The following SLCO3A1 variants were observed in gnomAD, a reference collection of about 807,000 sequenced individuals.
The protein encoded by SLCO3A1 is solute carrier organic anion transporter family member 3A1, also known as PGE1 transporter.
A neutral mutation model predicts 63.1 loss-of-function variants in SLCO3A1; 27 were observed. That is an observed-to-expected ratio of 0.43 (90% CI 0.32 to 0.59). The LOEUF (loss-of-function observed/expected upper bound fraction) is 0.59, where lower values mean the gene tolerates loss of function less well. Among genes scored for constraint, SLCO3A1 ranks in the 20% least tolerant of loss-of-function variants. SLCO3A1 has a pLI of 0.09. For missense variants in SLCO3A1, 773 were observed against 945.8 expected, an observed-to-expected ratio of 0.82 and a Z score of 2.40; for synonymous variants, 473 against 409.9, an observed-to-expected ratio of 1.15 and a Z score of -1.86.
intron 7 of SLCO3A1, among the ~76,000 whole-genome samples, chr15:92,142,678 C>G (rs1399422752): frequency 1.3e-5 from 2 of 152,182 alleles, no homozygotes; most frequent in Non-Finnish European, 2.9e-5. Flanking sequence ...GTCTGCTCGC[C>G]TCATTAACAT....
intron 1 of SLCO3A1, among the ~76,000 whole-genome samples, chr15:91,914,835 G>A (rs898554775): frequency 6.6e-6 from 1 of 152,132 alleles, no homozygotes; most frequent in Non-Finnish European, 1.5e-5. Context: ...GCCTCCCAAA[G>A]TGTTGGGATT....
rs2151545794 is a variant in SLCO3A1, at chr15:92,104,402, C to G, written c.869C>G (p.Pro290Arg). 1 of 1,614,170 alleles carries G rather than the reference C, an allele frequency of 6.2e-7. No homozygotes were observed. The highest frequency in any genetic ancestry group is 1.7e-5 in the Admixed American group (1 of 60,026). Residue 290 changes from proline (P) to arginine (R), a missense_variant, in exon 4 of 10, where the codon CCC becomes CGC. Pro to Arg is a moderately radical substitution (Grantham distance 103, BLOSUM62 -2). This residue lies in a region of SLCO3A1 where 565 missense variants were observed against 749.8 expected (regional missense o/e 0.75). Coordinates refer to ENST00000318445, the MANE Select transcript of SLCO3A1 (RefSeq NM_013272.4). The stretch of plus-strand genomic sequence containing the variant: ...ATGTTTGGGTTTCCACAGTCCCTGC[C>G]CCCGCACTCAGAGCCCGCCATGGAA... ...LLMFGFPQSL[P>R]PHSEPAMESE...
chr15:91,999,927 G>C (rs1244145153), intron 2 of SLCO3A1, among the ~76,000 whole-genome samples: 1 of 152,202 alleles, frequency 6.6e-6, no homozygotes, highest in Admixed American at 6.5e-5. Flanking sequence ...CTGGGGCATT[G>C]TTTGTCAGAG....
intron 2 of SLCO3A1, among the ~76,000 whole-genome samples, chr15:91,989,152 A>G (rs868602735): frequency 9.9e-5 from 15 of 152,178 alleles, no homozygotes; most frequent in African/African-American, 1.9e-4. Context: ...GTGCCTTCGC[A>G]TAAGTGTCCT....
chr15:91,986,198 G>T (rs545588625), intron 2 of SLCO3A1, among the ~76,000 whole-genome samples: 2 of 152,154 alleles, frequency 1.3e-5, no homozygotes, highest in African/African-American at 4.8e-5. Context: ...CCCTTTCCTC[G>T]GCTACTGTCC....
intron 2 of SLCO3A1, among the ~76,000 whole-genome samples, chr15:92,003,382 C>A (rs2046277887): frequency 6.6e-6 from 1 of 152,200 alleles, no homozygotes; most frequent in Non-Finnish European, 1.5e-5. Flanking sequence ...AGAGAAGATA[C>A]ACTATGGAGT....
At position 91,987,322 on chromosome 15, in the gene SLCO3A1, G is replaced by A. The variant is rs555453830; in HGVS notation, c.646+70864G>A. Among the ~76,000 whole-genome samples, 9 of 152,184 alleles carry A rather than the reference G, an allele frequency of 5.9e-5. No individual in the cohort carries two copies. In the South Asian group the frequency reaches 1.2e-3, roughly 21 times the overall value. On this transcript the variant is annotated intron_variant, in intron 2 of 9. Transcript: ENST00000318445. ...ATGAATTAACTTGTTTATTCAACACGTATTTACTGAACACCTATCATGTGT... is the reference window on the plus strand; with the variant it reads ...ATGAATTAACTTGTTTATTCAACACATATTTACTGAACACCTATCATGTGT...
intron 4 of SLCO3A1, among the ~76,000 whole-genome samples, chr15:92,112,406 GC>G (rs1371015662): frequency 1.3e-5 from 2 of 152,240 alleles, no homozygotes; most frequent in Non-Finnish European, 2.9e-5. Context: ...TATCTGAGGA[GC>G]CCTTGTTTCC....
At chr15:91,902,469 A>G (rs1597104538) in intron 1 of SLCO3A1, among the ~76,000 whole-genome samples, 1 of 151,420 alleles carries the variant, frequency 6.6e-6, no homozygotes, top group Non-Finnish European at 1.5e-5. Context: ...CCCAACCAGC[A>G]CTACTGGTTG....
intron 2 of SLCO3A1, among the ~76,000 whole-genome samples, chr15:92,025,527 G>C (rs903988721): frequency 6.6e-6 from 1 of 152,330 alleles, no homozygotes; most frequent in Non-Finnish European, 1.5e-5. Flanking sequence ...GCATCCACTT[G>C]TTGTTTTGGA....
rs1469904173 is a variant in SLCO3A1 at position 91,967,956 on chromosome 15, C to T, written c.646+51498C>T. Among the ~76,000 whole-genome samples the T allele has an allele frequency of 1.3e-5, 2 of 152,184 alleles. No individual in the cohort carries two copies. On this transcript the variant is annotated intron_variant, in intron 2 of 9. Transcript: ENST00000318445. This position sits in a 1 kb window ranked among gnomAD's most constrained non-coding sequence, Gnocchi z 4.4. ...GTGGCTCTCTTCCCTCCTCTTTGCT[C>T]CCCTCTTCCTGCAGAGATGCAAGAT...
intron 2 of SLCO3A1, among the ~76,000 whole-genome samples, chr15:91,953,731 G>A (rs533732409): frequency 6.6e-6 from 1 of 152,226 alleles, no homozygotes; most frequent in East Asian, 1.9e-4. Context: ...GATTCCAGAG[G>A]GAGCATCCCA....
intron 2 of SLCO3A1, among the ~76,000 whole-genome samples, chr15:92,086,879 G>A (rs993805932): frequency 9.9e-5 from 15 of 151,932 alleles, no homozygotes; most frequent in Non-Finnish European, 2.9e-5. Flanking sequence ...AAGAGGCTGA[G>A]GCAGGAGAAT....
chr15:92,024,690 A>C (rs144215302), intron 2 of SLCO3A1, among the ~76,000 whole-genome samples: 1 of 152,186 alleles, frequency 6.6e-6, no homozygotes, highest in African/African-American at 2.4e-5. Flanking sequence ...TTTAACATCT[A>C]CACAAAGCAA....
At chr15:91,874,017 G>T (rs1314869564) in intron 1 of SLCO3A1, among the ~76,000 whole-genome samples, 1 of 152,066 alleles carries the variant, frequency 6.6e-6, no homozygotes, top group East Asian at 1.9e-4. Flanking sequence ...GCTCTTGGGG[G>T]ATATGTTCCA....
At chr15:91,938,128 A>C (rs1899480323) in intron 2 of SLCO3A1, among the ~76,000 whole-genome samples, 1 of 152,198 alleles carries the variant, frequency 6.6e-6, no homozygotes, top group Non-Finnish European at 1.5e-5. Context: ...AGATGAATTC[A>C]AATGCCATCT....
chr15:91,945,810 CA>C (rs1263904519), intron 2 of SLCO3A1, among the ~76,000 whole-genome samples: 4 of 152,196 alleles, frequency 2.6e-5, no homozygotes, highest in African/African-American at 9.7e-5. Flanking sequence ...CTGAAGATAA[CA>C]TGTCACCCTG....
intron 1 of SLCO3A1, among the ~76,000 whole-genome samples, chr15:91,876,812 C>T (rs972890238): frequency 2.0e-5 from 3 of 152,252 alleles, no homozygotes; most frequent in Non-Finnish European, 4.4e-5. Flanking sequence ...GCGCTCTTCT[C>T]TGCTGTCCAG....
chr15:91,881,621 C>T (rs1375124497), intron 1 of SLCO3A1, among the ~76,000 whole-genome samples: 1 of 152,096 alleles, frequency 6.6e-6, no homozygotes, highest in Admixed American at 6.6e-5. Flanking sequence ...AGTTAAAAGC[C>T]ACTCAGAGAA....
Sources: gnomAD v4.1 joint callset for allele counts (sites outside exome capture counted in the v4.1 genomes callset) on GRCh38, gnomAD v4.1.1 for gene constraint, gnomAD v4.1.1 regional missense constraint, Gnocchi (gnomAD v3.1) non-coding constraint, MANE v1.5 for transcripts, NCBI Gene and HGNC (gene_info 2026-07-23, HGNC 2026-07-21) for gene names.